FANCB: variants seen among roughly 807,000 people sequenced by gnomAD.
FANCB encodes FA complementation group B.
FANCB carries 5 observed loss-of-function variants against 38.9 expected under a neutral mutation model. The observed-to-expected ratio is 0.13, with a 90% CI of 0.07 to 0.27. The LOEUF is 0.27. Ranked by LOEUF, FANCB falls within the 10% of genes least tolerant of loss-of-function variation. The probability of loss-of-function intolerance (pLI) is 1.00; values close to 1 mark genes in which losing one functional copy is unlikely to be tolerated. For synonymous variants in FANCB, 236 were observed against 215.4 expected, an observed-to-expected ratio of 1.10 and a Z score of -0.84; for missense variants, 573 against 602.7, an observed-to-expected ratio of 0.95 and a Z score of 0.52.
At chrX:14,827,266 C>G in the FANCB span, among the ~76,000 whole-genome samples, 1 of 111,644 alleles carries the variant, frequency 9.0e-6, no homozygotes, top group African/African-American at 3.3e-5. Context: ...GTGCCTTAGA[C>G]AGCTTATTGG....
the FANCB span, among the ~76,000 whole-genome samples, chrX:14,691,327 G>A: frequency 2.3e-4 from 22 of 94,894 alleles, no homozygotes; most frequent in South Asian, 4.7e-4. Context: ...GTGTGTGTGC[G>A]CGCGTGCGTG....
At chrX:14,791,999 A>T in the FANCB span, among the ~76,000 whole-genome samples, 2 of 112,048 alleles carry the variant, frequency 1.8e-5, no homozygotes, top group Admixed American at 1.9e-4. Flanking sequence ...AAGAATGACA[A>T]AAACAAAAAG....
chrX:14,704,011 C>G, the FANCB span, among the ~76,000 whole-genome samples: 1 of 111,639 alleles, frequency 9.0e-6, no homozygotes, highest in Non-Finnish European at 1.9e-5. Flanking sequence ...GGTGCAATGC[C>G]TCCTAGGCCA....
chrX:14,761,579 C>A, the FANCB span, among the ~76,000 whole-genome samples: 1 of 111,144 alleles, frequency 9.0e-6, no homozygotes, highest in African/African-American at 3.3e-5. Flanking sequence ...CAGTGTTACC[C>A]AAATTGAGTG....
the FANCB span, among the ~76,000 whole-genome samples, chrX:14,745,594 T>G: frequency 9.2e-6 from 1 of 109,113 alleles, no homozygotes; most frequent in Admixed American, 9.9e-5. Context: ...CCCTCCTTGG[T>G]TGGACAAACA....
chrX:14,758,484 C>T, the FANCB span, among the ~76,000 whole-genome samples: 7 of 112,160 alleles, frequency 6.2e-5, no homozygotes, highest in Non-Finnish European at 1.1e-4. Context: ...TCCCCTGCCA[C>T]CTCCACCAGA....
the FANCB span, among the ~76,000 whole-genome samples, chrX:14,803,020 T>C: frequency 8.9e-6 from 1 of 112,540 alleles, no homozygotes; most frequent in Non-Finnish European, 1.9e-5. Context: ...CATGTTCTTT[T>C]GAAATGAATT....
chrX:14,803,835 A>G, the FANCB span, among the ~76,000 whole-genome samples: 2 of 111,917 alleles, frequency 1.8e-5, no homozygotes, highest in African/African-American at 6.5e-5. Flanking sequence ...ATATGAACAG[A>G]CACTTCTCAA....
the FANCB span, among the ~76,000 whole-genome samples, chrX:14,784,891 A>T: frequency 8.9e-6 from 1 of 112,127 alleles, no homozygotes; most frequent in Non-Finnish European, 1.9e-5. Context: ...GAAGTCACTT[A>T]TCCTTAGCAA....
the FANCB span, among the ~76,000 whole-genome samples, chrX:14,782,441 G>T: frequency 8.9e-6 from 1 of 112,380 alleles, no homozygotes; most frequent in East Asian, 2.8e-4. Flanking sequence ...AGATGTTTCT[G>T]ACTAGACCTC....
At chrX:14,823,798 T>C in the FANCB span, among the ~76,000 whole-genome samples, 1 of 111,797 alleles carries the variant, frequency 8.9e-6, no homozygotes, top group Non-Finnish European at 1.9e-5. Flanking sequence ...ATTTCTATCA[T>C]TCCAGAAAGT....
At chrX:14,787,916 T>C in the FANCB span, among the ~76,000 whole-genome samples, 1 of 74,675 alleles carries the variant, frequency 1.3e-5, no homozygotes, top group Middle Eastern at 8.1e-3. Flanking sequence ...TATATATATA[T>C]ATATATATGA....
At chrX:14,814,995 A>G in the FANCB span, among the ~76,000 whole-genome samples, 1 of 112,118 alleles carries the variant, frequency 8.9e-6, no homozygotes, top group Admixed American at 9.5e-5. Flanking sequence ...CAGTCATAAA[A>G]GAGGATGAGT....
At chrX:14,720,668 A>C in the FANCB span, among the ~76,000 whole-genome samples, 2 of 111,937 alleles carry the variant, frequency 1.8e-5, no homozygotes, top group South Asian at 7.5e-4. Flanking sequence ...CTGGACTCTT[A>C]TTCTGCTATT....
intron 5 of FANCB, among the ~76,000 whole-genome samples, chrX:14,855,778 G>C (rs2092420697): frequency 8.9e-6 from 1 of 112,137 alleles, no homozygotes; most frequent in African/African-American, 3.2e-5. Flanking sequence ...TGTGTTTCCA[G>C]ACAGGATTTT....
the FANCB span, among the ~76,000 whole-genome samples, chrX:14,716,298 C>CA: frequency 2.0e-4 from 22 of 109,402 alleles, no homozygotes; most frequent in Non-Finnish European, 2.7e-4. Flanking sequence ...AATTGAAGAA[C>CA]AAAAAAAAAT....
the FANCB span, among the ~76,000 whole-genome samples, chrX:14,699,032 C>T: frequency 8.9e-6 from 1 of 111,872 alleles, no homozygotes; most frequent in Non-Finnish European, 1.9e-5. Flanking sequence ...TGTAAAGCAG[C>T]CACTGTCAAT....
the FANCB span, among the ~76,000 whole-genome samples, chrX:14,691,338 C>T: frequency 7.0e-3 from 655 of 93,404 alleles, 3 homozygotes; most frequent in South Asian, 0.014. Flanking sequence ...CGCGTGCGTG[C>T]GTGTACATCA....
At chrX:14,820,300 G>T in the FANCB span, among the ~76,000 whole-genome samples, 1 of 110,981 alleles carries the variant, frequency 9.0e-6, no homozygotes, top group Non-Finnish European at 1.9e-5. Flanking sequence ...GAAATAATCT[G>T]TTCTTTACTG....
Sources: allele counts gnomAD v4.1 joint callset (sites outside exome capture counted in the v4.1 genomes callset), GRCh38; gene constraint gnomAD v4.1.1; transcripts MANE v1.5; gene names NCBI Gene and HGNC (gene_info 2026-07-23, HGNC 2026-07-21).